LRP1B: variants seen among roughly 807,000 people sequenced by gnomAD.
LRP1B encodes low-density lipoprotein receptor-related protein 1B.
LRP1B carries 217 observed loss-of-function variants against 556.6 expected under a neutral mutation model. The observed-to-expected ratio is 0.39, with a 90% CI of 0.35 to 0.44. LRP1B has a LOEUF of 0.44. Ranked by LOEUF, LRP1B falls within the 20% of genes least tolerant of loss-of-function variation. The pLI is 1.00. For missense variants in LRP1B, 5,053 were observed against 5,620.8 expected, an observed-to-expected ratio of 0.90 and a Z score of 3.23; for synonymous variants, 2,047 against 1,865.8, an observed-to-expected ratio of 1.10 and a Z score of -2.50.
At chr2:140,685,934 A>T (rs550837597) in intron 41 of LRP1B, among the ~76,000 whole-genome samples, 2 of 152,246 alleles carry the variant, frequency 1.3e-5, no homozygotes, top group South Asian at 4.1e-4. Context: ...TTCAGCACAC[A>T]TGACAAGTTC....
intron 41 of LRP1B, among the ~76,000 whole-genome samples, chr2:140,690,012 G>A (rs2105396413): frequency 6.6e-6 from 1 of 151,700 alleles, no homozygotes; most frequent in African/African-American, 2.4e-5. Context: ...ATACATCATT[G>A]ACATAGGATT....
intron 32 of LRP1B, among the ~76,000 whole-genome samples, chr2:140,809,059 G>A (rs142137570): frequency 1.9e-3 from 288 of 151,676 alleles, no homozygotes; most frequent in African/African-American, 6.5e-3. Flanking sequence ...GTAACTCAAT[G>A]TCACCAGTAT....
intron 3 of LRP1B, among the ~76,000 whole-genome samples, chr2:141,461,876 C>T (rs758675632): frequency 4.6e-5 from 7 of 152,148 alleles, no homozygotes; most frequent in Non-Finnish European, 8.8e-5. Context: ...ACTTTGTCAT[C>T]GTACAAAGTA....
At chr2:140,689,836 G>A (rs758162955) in intron 41 of LRP1B, among the ~76,000 whole-genome samples, 9 of 152,012 alleles carry the variant, frequency 5.9e-5, no homozygotes, top group African/African-American at 1.4e-4. Flanking sequence ...TCTTTCACAC[G>A]GATATAACTC....
At chr2:140,572,159 T>C (rs1681347580) in intron 43 of LRP1B, among the ~76,000 whole-genome samples, 1 of 151,678 alleles carries the variant, frequency 6.6e-6, no homozygotes. Context: ...TATATGAATC[T>C]AAAAAGCTTC....
At chr2:142,092,664 C>T (rs1706216995) in intron 1 of LRP1B, among the ~76,000 whole-genome samples, 2 of 151,278 alleles carry the variant, frequency 1.3e-5, no homozygotes, top group South Asian at 2.1e-4. Context: ...TTGTATGGGA[C>T]TCTTACTACA....
At chr2:140,932,944 TAC>T (rs908936487) in intron 20 of LRP1B, among the ~76,000 whole-genome samples, 5 of 150,196 alleles carry the variant, frequency 3.3e-5, no homozygotes, top group Non-Finnish European at 7.4e-5. Context: ...TATACACATA[TAC>T]ACATATACAT....
rs901295307 is a variant in LRP1B at position 141,556,960 on chromosome 2, GTTTTC to G, written c.206-76432_206-76428del. On this transcript the variant is annotated intron_variant, in intron 2 of 90. Coordinates refer to ENST00000389484, the MANE Select transcript of LRP1B (RefSeq NM_018557.3). ...TTCTTATAATATCACTCCTTTCTCT[GTTTTC>G]TTCCATTCCTCTTCCCAGAGGATTG... 3.3e-5 allele frequency among the ~76,000 whole-genome samples: 5 copies of G among 151,622 alleles called. No individual in the cohort carries two copies. The Admixed American group carries it at 3.3e-4, about 10-fold the overall frequency.
At chr2:140,947,955 A>T (rs1313567317) in intron 20 of LRP1B, among the ~76,000 whole-genome samples, 1 of 152,188 alleles carries the variant, frequency 6.6e-6, no homozygotes, top group East Asian at 1.9e-4. Context: ...AGTGAAAATG[A>T]GGTGCTCTAA....
intron 2 of LRP1B, among the ~76,000 whole-genome samples, chr2:141,704,699 T>G (rs753412947): frequency 6.6e-6 from 1 of 151,986 alleles, no homozygotes; most frequent in African/African-American, 2.4e-5. Flanking sequence ...ATTCATATTT[T>G]CTTCCTCATA....
At chr2:140,890,647 T>C (rs959973403) in intron 23 of LRP1B, among the ~76,000 whole-genome samples, 1 of 152,078 alleles carries the variant, frequency 6.6e-6, no homozygotes, top group African/African-American at 2.4e-5. Flanking sequence ...ATTTTCTATT[T>C]GAACTCTTAA....
At chr2:141,588,084 T>C (rs986266887) in intron 2 of LRP1B, among the ~76,000 whole-genome samples, 2 of 151,704 alleles carry the variant, frequency 1.3e-5, no homozygotes, top group African/African-American at 4.9e-5. Flanking sequence ...AAGTATTTGC[T>C]AACTCTCTTT....
chr2:141,576,984 A>G (rs1038659286), intron 2 of LRP1B, among the ~76,000 whole-genome samples: 4 of 151,950 alleles, frequency 2.6e-5, no homozygotes, highest in African/African-American at 9.7e-5. Flanking sequence ...CTAATACTAG[A>G]TAATCTAATT....
At chr2:142,068,956 G>A (rs1313207177) in intron 1 of LRP1B, among the ~76,000 whole-genome samples, 3 of 151,568 alleles carry the variant, frequency 2.0e-5, no homozygotes, top group African/African-American at 7.2e-5. Context: ...CTGAAGAAAT[G>A]TTTGTTGAAT....
At chr2:141,459,536 A>G (rs1044259441) in intron 3 of LRP1B, among the ~76,000 whole-genome samples, 2 of 152,064 alleles carry the variant, frequency 1.3e-5, no homozygotes, top group Non-Finnish European at 2.9e-5. Context: ...GTCCCCCGCT[A>G]AATCTCATCT....
At chr2:141,319,633 T>C (rs2105468050) in intron 3 of LRP1B, among the ~76,000 whole-genome samples, 1 of 152,208 alleles carries the variant, frequency 6.6e-6, no homozygotes, top group African/African-American at 2.4e-5. Flanking sequence ...CAATCAACTG[T>C]AACCAACATT....
intron 3 of LRP1B, among the ~76,000 whole-genome samples, chr2:141,286,126 G>A (rs1421426523): frequency 1.3e-5 from 2 of 151,086 alleles, no homozygotes; most frequent in Non-Finnish European, 2.9e-5. Flanking sequence ...GATAGTGATA[G>A]GAAAAGAAAA....
At chr2:140,719,246 C>T (rs1687317805) in intron 35 of LRP1B, among the ~76,000 whole-genome samples, 1 of 151,966 alleles carries the variant, frequency 6.6e-6, no homozygotes, top group Non-Finnish European at 1.5e-5. Context: ...ACAAAGAAAA[C>T]ACATCTCTTG....
intron 66 of LRP1B, among the ~76,000 whole-genome samples, chr2:140,391,501 G>C (rs1684018154): frequency 6.7e-6 from 1 of 150,106 alleles, no homozygotes; most frequent in African/African-American, 2.4e-5. Flanking sequence ...AACGGAATAA[G>C]AGCTGTGTAC....
Sources: allele counts gnomAD v4.1 joint callset (sites outside exome capture counted in the v4.1 genomes callset), GRCh38; gene constraint gnomAD v4.1.1; transcripts MANE v1.5; gene names NCBI Gene and HGNC (gene_info 2026-07-23, HGNC 2026-07-21).